IL13RA1: variants seen among roughly 807,000 people sequenced by gnomAD.
IL13RA1 encodes interleukin-13 receptor subunit alpha-1.
IL13RA1 carries 14 observed loss-of-function variants against 33.8 expected under a neutral mutation model. The ratio of observed to expected loss-of-function variants is 0.41; its 90% CI spans 0.27 to 0.65. IL13RA1 has a LOEUF of 0.65. IL13RA1 is among the 30% of genes least tolerant of loss of function. The pLI, the probability that IL13RA1 is intolerant of heterozygous loss-of-function variation, is 0.28. For missense variants in IL13RA1, 313 were observed against 327.0 expected (o/e 0.96, Z 0.33); for synonymous variants, 116 against 115.7 (o/e 1.00, Z -0.02).
At chrX:118,761,764 A>T (rs1180126482) in intron 6 of IL13RA1, among the ~76,000 whole-genome samples, 1 of 111,972 alleles carries the variant, frequency 8.9e-6, no homozygotes, top group Non-Finnish European at 1.9e-5. Flanking sequence ...AATATTAGGT[A>T]GGGAAATCAT....
intron 10 of IL13RA1, among the ~76,000 whole-genome samples, chrX:118,784,171 A>G (rs1239013952): frequency 2.0e-5 from 2 of 99,365 alleles, no homozygotes; most frequent in African/African-American, 7.3e-5. Flanking sequence ...ATATACGTAT[A>G]TATATTCTTT....
chrX:118,787,842 G>C (rs1396784073), intron 10 of IL13RA1, among the ~76,000 whole-genome samples: 1 of 111,918 alleles, frequency 8.9e-6, no homozygotes, highest in Non-Finnish European at 1.9e-5. Context: ...GAACATTGCT[G>C]TTATCCTTTT....
chrX:118,788,095 G>A (rs6645524), intron 10 of IL13RA1, among the ~76,000 whole-genome samples: 4,640 of 111,880 alleles, frequency 0.041, 100 homozygotes, highest in Non-Finnish European at 0.049. Flanking sequence ...AAAGAGAGGC[G>A]TAAGAAATTA....
At chrX:118,805,064 A>C in the IL13RA1 span, among the ~76,000 whole-genome samples, 16 of 110,730 alleles carry the variant, frequency 1.4e-4, no homozygotes, top group African/African-American at 4.9e-4. Context: ...CTGTTGACCA[A>C]CTCCTCTTCC....
At chrX:118,783,797 A>AT (rs1317957767) in intron 10 of IL13RA1, among the ~76,000 whole-genome samples, 5 of 106,288 alleles carry the variant, frequency 4.7e-5, no homozygotes, top group Non-Finnish European at 9.6e-5. Context: ...ACATTCATGC[A>AT]TTTTTTAAAT....
intron 4 of IL13RA1, among the ~76,000 whole-genome samples, chrX:118,750,846 A>G (rs1375229173): frequency 9.0e-6 from 1 of 111,390 alleles, no homozygotes; most frequent in African/African-American, 3.3e-5. Context: ...TTGCTCTGTC[A>G]CCCAGGCTAG....
chrX:118,760,403 T>C (rs763745669), intron 5 of IL13RA1, among the ~76,000 whole-genome samples: 4 of 112,047 alleles, frequency 3.6e-5, no homozygotes, highest in African/African-American at 9.7e-5. Context: ...TGGTCTTTGA[T>C]TGGCATTAAT....
chrX:118,795,094 G>A (rs1015368341), downstream of IL13RA1, among the ~76,000 whole-genome samples: 24 of 107,393 alleles, frequency 2.2e-4, no homozygotes, highest in Non-Finnish European at 4.0e-4. Flanking sequence ...GTAGTGGCGG[G>A]CGACTGTGGT....
At chrX:118,731,811 A>G (rs929239770) in intron 1 of IL13RA1, among the ~76,000 whole-genome samples, 5 of 112,040 alleles carry the variant, frequency 4.5e-5, no homozygotes, top group African/African-American at 1.6e-4. Context: ...GGCAAGTAGT[A>G]GAGGTGGGAT....
At chrX:118,735,963 CT>C (rs749212120) in intron 1 of IL13RA1, among the ~76,000 whole-genome samples, 229 of 111,633 alleles carry the variant, frequency 2.1e-3, no homozygotes, top group Non-Finnish European at 3.4e-3. Context: ...TTTCTTCAAT[CT>C]TTTTTTCTTT....
At chrX:118,800,119 G>C in the IL13RA1 span, among the ~76,000 whole-genome samples, 1 of 111,313 alleles carries the variant, frequency 9.0e-6, no homozygotes, top group East Asian at 2.8e-4. Context: ...ATCTAATGGG[G>C]AGGTAGAGAA....
At chrX:118,801,337 G>T in the IL13RA1 span, among the ~76,000 whole-genome samples, 1 of 111,778 alleles carries the variant, frequency 8.9e-6, no homozygotes, top group African/African-American at 3.3e-5. Flanking sequence ...TTAATGATAT[G>T]CCTTATTGTG....
chrX:118,778,180 G>C (rs2017806834), intron 10 of IL13RA1, among the ~76,000 whole-genome samples: 2 of 112,026 alleles, frequency 1.8e-5, no homozygotes, highest in South Asian at 7.4e-4. Flanking sequence ...TATTACTATT[G>C]ATAATAATTT....
At chrX:118,730,987 C>T (rs1314230327) in intron 1 of IL13RA1, among the ~76,000 whole-genome samples, 1 of 112,633 alleles carries the variant, frequency 8.9e-6, no homozygotes, top group Non-Finnish European at 1.9e-5. Context: ...CTGCTAGCTG[C>T]TGTGATTGGA....
rs191394642 is a variant in IL13RA1 at position 118,742,194 on chromosome X, G to T, written c.228+1038G>T. Among the ~76,000 whole-genome samples, 424 of 112,153 alleles carry T rather than the reference G, an allele frequency of 3.8e-3. 1 individual carries two copies. Among genetic ancestry groups the T allele is most frequent in the African/African-American group, 0.013 (409 of 30,882 alleles). ...CCTTCCTCTCCCTTGTCCTGCTGAG[G>T]TGTTACTTATGGTTTAGGCGTTAAT... On this transcript the variant is annotated intron_variant, in intron 2 of 10. Transcript: ENST00000371666.
intron 8 of IL13RA1, among the ~76,000 whole-genome samples, chrX:118,772,119 A>G (rs752032492): frequency 8.9e-6 from 1 of 112,959 alleles, no homozygotes; most frequent in South Asian, 3.6e-4. Context: ...AAATTTGAAA[A>G]TGTGAGGCCA....
chrX:118,767,769 C>T (rs1206714957), intron 8 of IL13RA1, among the ~76,000 whole-genome samples: 1 of 111,140 alleles, frequency 9.0e-6, no homozygotes, highest in Non-Finnish European at 1.9e-5. Flanking sequence ...GTGGGATACA[C>T]GGCTTTATAA....
chrX:118,735,795 G>T (rs1204395215), intron 1 of IL13RA1, among the ~76,000 whole-genome samples: 1 of 111,879 alleles, frequency 8.9e-6, no homozygotes, highest in African/African-American at 3.2e-5. Context: ...CAATCTGCCT[G>T]CCTTGGCCTC....
At chrX:118,735,588 C>A (rs977183615) in intron 1 of IL13RA1, among the ~76,000 whole-genome samples, 2 of 111,992 alleles carry the variant, frequency 1.8e-5, no homozygotes, top group Non-Finnish European at 3.8e-5. Flanking sequence ...CACTCTGTCA[C>A]CCAGGCTGGA....
Sources: allele counts gnomAD v4.1 joint callset (sites outside exome capture counted in the v4.1 genomes callset), GRCh38; gene constraint gnomAD v4.1.1; transcripts MANE v1.5; gene names NCBI Gene and HGNC (gene_info 2026-07-23, HGNC 2026-07-21).